AFF2: variants seen among roughly 807,000 people sequenced by gnomAD.
AFF2 encodes AF4/FMR2 family member 2.
In AFF2, 14 loss-of-function variants were observed where a neutral mutation model predicts 76.9. That is an observed-to-expected ratio of 0.18 (90% CI 0.12 to 0.28). The LOEUF (loss-of-function observed/expected upper bound fraction) is 0.28. AFF2 is among the 10% of genes least tolerant of loss of function. AFF2 has a pLI of 1.00. For synonymous variants in AFF2, 398 were observed against 366.7 expected, an observed-to-expected ratio of 1.09 and a Z score of -0.98; for missense variants, 868 against 1,001.1, an observed-to-expected ratio of 0.87 and a Z score of 1.79.
intron 12 of AFF2, among the ~76,000 whole-genome samples, chrX:148,961,098 A>C (rs954127461): frequency 8.9e-6 from 1 of 112,081 alleles, no homozygotes; most frequent in African/African-American, 3.2e-5. Context: ...ACAGGCAGGC[A>C]TTGCATGACT....
intron 19 of AFF2, among the ~76,000 whole-genome samples, chrX:148,985,548 A>G (rs1281937166): frequency 1.8e-5 from 2 of 109,846 alleles, no homozygotes; most frequent in African/African-American, 6.6e-5. Context: ...CTTTCTTGCC[A>G]TAAATTGACA....
intron 8 of AFF2, among the ~76,000 whole-genome samples, chrX:148,893,762 C>G (rs1557280029): frequency 8.9e-6 from 1 of 111,969 alleles, no homozygotes; most frequent in African/African-American, 3.2e-5. Context: ...AAAGAGCACA[C>G]AGCACATATA....
intron 6 of AFF2, 135 bp from the exon 7 acceptor site, chrX:148,843,247 C>G: frequency 4.6e-6 from 2 of 436,319 alleles, no homozygotes; most frequent in Non-Finnish European, 3.6e-6. Flanking sequence ...GGTTCCCCCC[C>G]TTTTTTTTTT....
At chrX:148,559,562 A>T (rs1280820731) in intron 1 of AFF2, among the ~76,000 whole-genome samples, 2 of 111,250 alleles carry the variant, frequency 1.8e-5, no homozygotes, top group African/African-American at 6.6e-5. Flanking sequence ...GCTGAGAATG[A>T]TGGTTTCCAG....
chrX:148,891,192 G>A (rs1557279698), intron 8 of AFF2, among the ~76,000 whole-genome samples: 3 of 111,717 alleles, frequency 2.7e-5, no homozygotes. Flanking sequence ...GCCTGACCCA[G>A]GAGGACAGAC....
intron 1 of AFF2, among the ~76,000 whole-genome samples, chrX:148,595,697 A>G (rs140094121): frequency 0.018 from 2,062 of 111,842 alleles, 56 homozygotes; most frequent in African/African-American, 0.062. Flanking sequence ...AACATATACC[A>G]TCTAAAAATT....
intron 3 of AFF2, among the ~76,000 whole-genome samples, chrX:148,721,761 G>T (rs1209934218): frequency 8.9e-6 from 1 of 112,306 alleles, no homozygotes; most frequent in African/African-American, 3.2e-5. Flanking sequence ...TGCGGTGATG[G>T]CAGGGCCATG....
intron 4 of AFF2, among the ~76,000 whole-genome samples, chrX:148,832,878 G>A (rs2070471064): frequency 8.9e-6 from 1 of 111,739 alleles, no homozygotes; most frequent in African/African-American, 3.3e-5. Flanking sequence ...CTTAGTCCAT[G>A]TTGCTTTTGG....
intron 3 of AFF2, among the ~76,000 whole-genome samples, chrX:148,745,306 A>G (rs1486908178): frequency 8.9e-6 from 1 of 111,843 alleles, no homozygotes; most frequent in Non-Finnish European, 1.9e-5. Flanking sequence ...TATGCTGTTC[A>G]GTAAATGGAT....
intron 1 of AFF2, among the ~76,000 whole-genome samples, chrX:148,581,866 A>G (rs1056725891): frequency 8.9e-6 from 1 of 112,132 alleles, no homozygotes; most frequent in Non-Finnish European, 1.9e-5. Context: ...ACTTTAATCT[A>G]AAGGCTTTAT....
intron 3 of AFF2, among the ~76,000 whole-genome samples, chrX:148,728,105 G>A (rs1310520784): frequency 8.9e-6 from 1 of 112,038 alleles, no homozygotes; most frequent in Admixed American, 9.5e-5. Flanking sequence ...CTGAGCTTGG[G>A]CGTGGCATGC....
chrX:148,824,080 T>TCTCTCTCTTC (rs782570778), intron 4 of AFF2, among the ~76,000 whole-genome samples: 2 of 110,148 alleles, frequency 1.8e-5, no homozygotes, highest in Non-Finnish European at 3.8e-5. Flanking sequence ...TCTCTCTCTC[T>TCTCTCTCTTC]CTCTTCCTCT....
At chrX:148,576,780 G>GGTGTGTGGGTGTATGT (rs2053291951) in intron 1 of AFF2, among the ~76,000 whole-genome samples, 1 of 73,616 alleles carries the variant, frequency 1.4e-5, no homozygotes, top group Non-Finnish European at 2.4e-5. Context: ...TGTGGTTTGG[G>GGTGTGTGGGTGTATGT]GTGTGTGTGT....
chrX:148,913,596 C>A (rs1289125518), intron 9 of AFF2, among the ~76,000 whole-genome samples: 4 of 111,861 alleles, frequency 3.6e-5, no homozygotes, highest in Non-Finnish European at 7.5e-5. Flanking sequence ...AAAAAGCACC[C>A]ATTTATTGGT....
chrX:148,782,785 A>G (rs980965234), intron 3 of AFF2, among the ~76,000 whole-genome samples: 3 of 111,720 alleles, frequency 2.7e-5, no homozygotes, highest in African/African-American at 9.8e-5. Context: ...TGGGTCAAGA[A>G]ATTTATTTCA....
intron 9 of AFF2, among the ~76,000 whole-genome samples, chrX:148,933,531 G>A (rs1024019432): frequency 1.8e-5 from 2 of 111,638 alleles, no homozygotes; most frequent in African/African-American, 3.3e-5. Flanking sequence ...TGAGAAGGAT[G>A]GTGGCTTGTA....
At chrX:148,842,605 G>A (rs782200262) in intron 5 of AFF2, among the ~76,000 whole-genome samples, 64 of 111,989 alleles carry the variant, frequency 5.7e-4, no homozygotes, top group African/African-American at 2.0e-3. Flanking sequence ...TAGAGGCATC[G>A]TTTTCCAGCT....
chrX:148,556,166 G>A (rs1319161654), intron 1 of AFF2, among the ~76,000 whole-genome samples: 3 of 112,118 alleles, frequency 2.7e-5, no homozygotes, highest in African/African-American at 6.5e-5. Context: ...TTCAAAAGCC[G>A]AAGATTTGTT....
At chrX:148,950,668 C>T (rs2071954981) in intron 9 of AFF2, among the ~76,000 whole-genome samples, 1 of 112,086 alleles carries the variant, frequency 8.9e-6, no homozygotes, top group African/African-American at 3.2e-5. Context: ...CACCTGAGAA[C>T]ACAGAAACAG....
Sources: allele counts gnomAD v4.1 joint callset (sites outside exome capture counted in the v4.1 genomes callset), GRCh38; gene constraint gnomAD v4.1.1; transcripts MANE v1.5; gene names NCBI Gene and HGNC (gene_info 2026-07-23, HGNC 2026-07-21).